The following MEF2C variants were observed in gnomAD, a reference collection of about 807,000 sequenced individuals.
The protein encoded by MEF2C is myocyte enhancer factor 2C.
A neutral mutation model predicts 50.5 loss-of-function variants in MEF2C; 6 were observed. That is an observed-to-expected ratio of 0.12 (90% CI 0.07 to 0.23). MEF2C has a LOEUF of 0.23. MEF2C is among the 10% of genes least tolerant of loss of function. The pLI is 1.00. For missense variants in MEF2C, 276 were observed against 605.0 expected (o/e 0.46, Z 5.70); for synonymous variants, 183 against 228.0 (o/e 0.80, Z 1.78).
At chr5:88,742,488 C>G in intron 6 of MEF2C, 1 of 979,058 alleles carries the variant, frequency 1.0e-6, no homozygotes, top group Non-Finnish European at 1.2e-6. Context: ...CCAATCTTCA[C>G]AGTACTTTAC....
rs374911378 is a variant in MEF2C at position 88,817,218 on chromosome 5, G to A, written c.54+6517C>T. Among the ~76,000 whole-genome samples the A allele has an allele frequency of 9.1e-4, 138 of 152,070 alleles. 4 individuals carry two copies. The South Asian group carries it at 0.027, about 30-fold the overall frequency. ...AAATTTTCTATTAGGTTATTAAGATGTAACTCCCAAATTTAGAACTGTAAT... is the reference window on the plus strand; with the variant it reads ...AAATTTTCTATTAGGTTATTAAGATATAACTCCCAAATTTAGAACTGTAAT... On this transcript the variant is annotated intron_variant, in intron 2 of 10. Coordinates refer to ENST00000504921, the MANE Select transcript of MEF2C (RefSeq NM_002397.5).
chr5:88,834,544 T>A (rs763913674), intron 1 of MEF2C, among the ~76,000 whole-genome samples: 3 of 152,068 alleles, frequency 2.0e-5, no homozygotes, highest in African/African-American at 4.8e-5. Context: ...TGCACCAATA[T>A]GATGATTTTA....
At chr5:88,783,193 G>T (rs674747) in intron 3 of MEF2C, among the ~76,000 whole-genome samples, 118,759 of 152,096 alleles carry the variant, frequency 0.78, 46,755 homozygotes, top group East Asian at 0.91. Context: ...CTGCCATCAT[G>T]GTCGTCGTTA....
In MEF2C at chr5:88,720,136, T is replaced by C. The variant is rs1280204964; in HGVS notation, c.*2468A>G. On this transcript the variant is annotated 3_prime_UTR_variant, in exon 11 of 11. Transcript: ENST00000504921. The stretch of plus-strand genomic sequence containing the variant: ...GAAATGTTTGCATATTTTATACACA[T>C]CAAGTTAGAAGGATGGGTTGTAAGG... 6.6e-6 allele frequency: 1 copy of C among 152,122 alleles called. No individual in the cohort carries two copies. Among genetic ancestry groups the C allele is most frequent in the Non-Finnish European group, 1.5e-5 (1 of 67,986 alleles). The allele number at this position is 152,122 out of a possible 1,614,324, so 9.4% of individuals were successfully genotyped here. A position where few individuals can be genotyped will look rare whatever the true frequency, so the allele number is the denominator to read the frequency against.
chr5:88,772,540 T>C (rs1256775896), intron 3 of MEF2C, among the ~76,000 whole-genome samples: 1 of 152,234 alleles, frequency 6.6e-6, no homozygotes, highest in Non-Finnish European at 1.5e-5. Context: ...ATAACAGTTT[T>C]CAATTTGGGA....
At chr5:88,814,857 GGAA>G (rs1804598019) in intron 2 of MEF2C, among the ~76,000 whole-genome samples, 1 of 152,082 alleles carries the variant, frequency 6.6e-6, no homozygotes, top group Non-Finnish European at 1.5e-5. Flanking sequence ...ATGAGGAAAA[GGAA>G]GAAGGATGAC....
At chr5:88,735,569 A>G (rs565794498) in intron 6 of MEF2C, 122 of 974,144 alleles carry the variant, frequency 1.3e-4, no homozygotes, top group Non-Finnish European at 1.4e-4. Flanking sequence ...TTTTACATAA[A>G]AATAACAAAT....
Position 88,846,235 on chromosome 5 carries a change from T to G in MEF2C, c.-142-22305A>C, listed in dbSNP as rs1042705521. 3.3e-5 allele frequency among the ~76,000 whole-genome samples: 5 copies of G among 152,186 alleles called. No homozygotes were observed. The East Asian group carries it at 5.8e-4, about 18-fold the overall frequency. ...GGTGCCCGCCACCACGCCAGGCTAA[T>G]TTTTGTATTTTTGGTAGAGATAGGG... is the stretch of plus-strand genomic sequence containing the variant. On this transcript the variant is annotated intron_variant, in intron 1 of 10. Transcript: ENST00000504921.
intron 3 of MEF2C, among the ~76,000 whole-genome samples, chr5:88,799,572 A>T (rs1797415602): frequency 6.6e-6 from 1 of 152,222 alleles, no homozygotes. Context: ...TATTTTCACT[A>T]AACTATGTAA....
At chr5:88,827,287 A>T (rs903523596) in intron 1 of MEF2C, 1 of 151,584 alleles carries the variant, frequency 6.6e-6, no homozygotes, top group Non-Finnish European at 1.5e-5. Flanking sequence ...CCTCCTACAA[A>T]TCTCTCCCAG....
At chr5:88,770,871 C>T (rs1175857239) in intron 3 of MEF2C, among the ~76,000 whole-genome samples, 1 of 152,178 alleles carries the variant, frequency 6.6e-6, no homozygotes, top group African/African-American at 2.4e-5. Context: ...CCTCTTTTCT[C>T]CAGCCTACTG....
intron 3 of MEF2C, chr5:88,771,342 A>G (rs1782324615): frequency 1.4e-6 from 1 of 700,594 alleles, no homozygotes; most frequent in Non-Finnish European, 1.8e-6. Context: ...TTCCTAGAAT[A>G]TCCTTATTTA....
intron 1 of MEF2C, among the ~76,000 whole-genome samples, chr5:88,874,502 C>T (rs535744736): frequency 2.0e-5 from 3 of 151,986 alleles, no homozygotes; most frequent in African/African-American, 7.2e-5. Flanking sequence ...TTTTTCCTCC[C>T]TTGCTAATGG....
At chr5:88,743,945 T>C in intron 6 of MEF2C, 2 of 921,712 alleles carry the variant, frequency 2.2e-6, no homozygotes, top group Non-Finnish European at 1.3e-6. Context: ...AAATCTCCTT[T>C]GCCTTACTGT....
chr5:88,855,997 G>T (rs958886602), intron 1 of MEF2C, among the ~76,000 whole-genome samples: 1 of 152,196 alleles, frequency 6.6e-6, no homozygotes, highest in Non-Finnish European at 1.5e-5. Context: ...GAAGAAGACA[G>T]ATTTGGGAAA....
At chr5:88,768,554 G>A (rs1781002314) in intron 3 of MEF2C, 1 of 274,320 alleles carries the variant, frequency 3.6e-6, no homozygotes, top group Admixed American at 6.5e-5. Flanking sequence ...TGAGCTACTA[G>A]AGGTTAGGAA....
chr5:88,860,224 T>A (rs1415347986), intron 1 of MEF2C, among the ~76,000 whole-genome samples: 1 of 152,200 alleles, frequency 6.6e-6, no homozygotes, highest in African/African-American at 2.4e-5. Context: ...ATGAATGAAG[T>A]ACCTTCTAAT....
At chr5:88,800,597 C>A (rs1175846832) in intron 3 of MEF2C, among the ~76,000 whole-genome samples, 1 of 152,158 alleles carries the variant, frequency 6.6e-6, no homozygotes, top group Admixed American at 6.5e-5. Context: ...CAGAGCCCAA[C>A]ATAAACTGGT....
At chr5:88,741,010 T>C in intron 6 of MEF2C, 2 of 985,454 alleles carry the variant, frequency 2.0e-6, no homozygotes, top group Non-Finnish European at 2.4e-6. Context: ...TTTACACAAC[T>C]GCTGCGAACA....
Sources: gnomAD v4.1 joint callset for allele counts (sites outside exome capture counted in the v4.1 genomes callset) on GRCh38, gnomAD v4.1.1 for gene constraint, MANE v1.5 for transcripts, NCBI Gene and HGNC (gene_info 2026-07-23, HGNC 2026-07-21) for gene names.